PRSS41: variants seen among roughly 807,000 people sequenced by gnomAD.
The protein encoded by PRSS41 is serine protease 41.
In PRSS41, 37 loss-of-function variants were observed where a neutral mutation model predicts 28.8. The observed-to-expected ratio is 1.29, with a 90% CI of 0.99 to 1.69. PRSS41 has a LOEUF of 1.69. Among genes scored for constraint, PRSS41 ranks in the 40% most tolerant of loss-of-function variants. The pLI is 0.00. For missense variants in PRSS41, 431 were observed against 400.7 expected (o/e 1.08, Z -0.65); for synonymous variants, 195 against 163.1 (o/e 1.20, Z -1.49).
chr16:2,799,392 A>T (rs1395887832), exon 4 of PRSS41: 1 of 1,551,954 alleles, frequency 6.4e-7, no homozygotes, highest in East Asian at 2.4e-5. Context: ...GCAGGACATC[A>T]TTGTGAACCC....
intron 4 of PRSS41, 71 bp downstream of exon 4, chr16:2,799,640 G>A (rs753812130): frequency 1.0e-5 from 15 of 1,461,504 alleles, no homozygotes; most frequent in Admixed American, 2.0e-5. Context: ...CCCTGTTCCC[G>A]CTACACAAGC....
intron 4 of PRSS41, among the ~76,000 whole-genome samples, chr16:2,803,101 AGT>A (rs1253777765): frequency 2.0e-5 from 3 of 152,198 alleles, no homozygotes; most frequent in Non-Finnish European, 4.4e-5. Context: ...CGATTTTATC[AGT>A]CTCTGCTTTT....
chr16:2,799,956 A>G (rs544019334), intron 4 of PRSS41, among the ~76,000 whole-genome samples: 31 of 152,390 alleles, frequency 2.0e-4, no homozygotes, highest in African/African-American at 7.0e-4. Flanking sequence ...GAAGGACACA[A>G]TTCAGTGATT....
At chr16:2,801,915 G>A (rs1437089520) in intron 4 of PRSS41, among the ~76,000 whole-genome samples, 34 of 151,564 alleles carry the variant, frequency 2.2e-4, no homozygotes, top group South Asian at 8.3e-4. Context: ...CAGTAGGGGC[G>A]GCCGGGCAGA....
At chr16:2,801,592 A>G (rs891404037) in intron 4 of PRSS41, among the ~76,000 whole-genome samples, 2 of 151,104 alleles carry the variant, frequency 1.3e-5, no homozygotes, top group African/African-American at 4.9e-5. Flanking sequence ...CACATCTTGC[A>G]CCGCCCTTAA....
exon 4 of PRSS41, chr16:2,799,549 G>T: frequency 1.3e-6 from 2 of 1,551,602 alleles, no homozygotes; most frequent in Non-Finnish European, 1.7e-6. Flanking sequence ...ACCGGCTGGG[G>T]GTTAATCAGC....
At chr16:2,800,203 A>C (rs1216472185) in intron 4 of PRSS41, among the ~76,000 whole-genome samples, 4 of 152,220 alleles carry the variant, frequency 2.6e-5, no homozygotes, top group African/African-American at 9.6e-5. Flanking sequence ...GTACTTATGT[A>C]CTTAAACATA....
intron 4 of PRSS41, among the ~76,000 whole-genome samples, chr16:2,802,370 CG>C (rs1360893345): frequency 4.0e-5 from 6 of 150,668 alleles, no homozygotes; most frequent in African/African-American, 1.5e-4. Flanking sequence ...GGATGGCGGC[CG>C]GGCGGAGACG....
At chr16:2,799,509 A>G in exon 4 of PRSS41, 1 of 1,551,820 alleles carries the variant, frequency 6.4e-7, no homozygotes, top group Non-Finnish European at 8.7e-7. Context: ...TTCCACCTTC[A>G]ACTTCGTGCA....
chr16:2,799,138 G>T lies in PRSS41; in HGVS notation c.257+14G>T, dbSNP rs982371076. 2.0e-6 allele frequency: 3 copies of T among 1,509,754 alleles called. No homozygotes were observed. Among genetic ancestry groups the T allele is most frequent in the Non-Finnish European group, 2.6e-6 (3 of 1,132,148 alleles). The allele number at this position is 1,509,754 out of a possible 1,614,324, so 93.5% of individuals were successfully genotyped here. On this transcript the variant is annotated intron_variant, in intron 3 of 5. Transcript: ENST00000399677. ...CTGCTTCCAAAAGTGAGTCTGGGGG[G>T]CGGCCGGGGCCTCAGACTTGCTAAT...
chr16:2,798,617 C>T lies in PRSS41; in HGVS notation c.65-19C>T. ...GCCGGGAGGTGGAGGCCGCGAGGGT[C>T]ACTTCTTGTGTCCTGCAGAGTCGCA... On this transcript the variant is annotated intron_variant, in intron 1 of 5. Transcript: ENST00000399677. 6.6e-7 allele frequency: 1 copy of T among 1,522,680 alleles called. No individual in the cohort carries two copies. The highest frequency in any genetic ancestry group is 2.2e-5 in the Admixed American group (1 of 45,662). 94.3% of individuals were successfully genotyped at this position (1,522,680 alleles called of 1,614,324 possible).
In PRSS41 at chr16:2,804,263, T is replaced by C. The variant is rs181431737; in HGVS notation, c.542-126T>C. ...CTGGGTGCTGGGGAGTCAAGAGCAA[T>C]GCTGGGTGTTGTGGGTGTGTCAGGG... On this transcript the variant is annotated intron_variant, in intron 4 of 5. Coordinates refer to ENST00000399677, the Ensembl canonical transcript of PRSS41. 1.6e-4 allele frequency: 148 copies of C among 946,008 alleles called. No homozygotes were observed. The African/African-American group carries it at 1.9e-3, about 12-fold the overall frequency. 58.6% of individuals were successfully genotyped at this position (946,008 alleles called of 1,614,324 possible).
exon 4 of PRSS41, chr16:2,799,560 C>T: frequency 6.4e-7 from 1 of 1,551,466 alleles, no homozygotes; most frequent in Non-Finnish European, 8.7e-7. Context: ...GTTAATCAGC[C>T]CCAGTGGCAG....
intron 2 of PRSS41, 51 bp from the exon 3 acceptor site, chr16:2,798,908 G>GGCCCCCCCCCCCCCCCCCCCC: frequency 7.1e-7 from 1 of 1,415,402 alleles, no homozygotes; most frequent in Non-Finnish European, 9.4e-7. Flanking sequence ...GGGCGGGCCT[G>GGCCCCCCCCCCCCCCCCCCCC]CCCACCCCAC....
At chr16:2,799,179 C>A in intron 3 of PRSS41, 55 bp downstream of exon 3, 1 of 1,505,320 alleles carries the variant, frequency 6.6e-7, no homozygotes, top group Admixed American at 2.1e-5. Flanking sequence ...CCAGGATGAG[C>A]AAACAGTAGC....
rs1005365705 is a variant in PRSS41, at chr16:2,798,703, G to A, written c.91+41G>A. 2.1e-6 allele frequency: 3 copies of A among 1,426,630 alleles called. No individual in the cohort carries two copies. In the Admixed American group the frequency reaches 8.7e-5, roughly 41 times the overall value. The allele number at this position is 1,426,630 out of a possible 1,614,324, so 88.4% of individuals were successfully genotyped here. A position where few individuals can be genotyped will look rare whatever the true frequency, so the allele number is the denominator to read the frequency against. The stretch of plus-strand genomic sequence containing the variant: ...CGCGCGATGCCAGCCAGGGCGGCTG[G>A]GCCGGGGTGCACGGGGGCCCATCTA... On this transcript the variant is annotated intron_variant, in intron 2 of 5. Transcript: ENST00000399677.
rs982371076 is a variant in PRSS41, at chr16:2,799,138, G to A, written c.257+14G>A. On this transcript the variant is annotated intron_variant, in intron 3 of 5. Transcript: ENST00000399677. The stretch of plus-strand genomic sequence containing the variant: ...CTGCTTCCAAAAGTGAGTCTGGGGG[G>A]CGGCCGGGGCCTCAGACTTGCTAAT... 1.1e-5 allele frequency: 16 copies of A among 1,509,636 alleles called. No homozygotes were observed. The highest frequency in any genetic ancestry group is 1.7e-4 in the Middle Eastern group (1 of 5,782). The allele number at this position is 1,509,636 out of a possible 1,614,324, so 93.5% of individuals were successfully genotyped here. A position where few individuals can be genotyped will look rare whatever the true frequency, so the allele number is the denominator to read the frequency against.
chr16:2,798,539 G>C (rs748833832), exon 1 of PRSS41: 1 of 1,531,888 alleles, frequency 6.5e-7, no homozygotes, highest in South Asian at 1.2e-5. Flanking sequence ...GGCTGGACTC[G>C]GGAAGCCGGG....
intron 4 of PRSS41, among the ~76,000 whole-genome samples, chr16:2,801,926 G>A (rs1420646145): frequency 1.3e-5 from 2 of 151,456 alleles, no homozygotes; most frequent in African/African-American, 4.9e-5. Context: ...GCCGGGCAGA[G>A]GCGCCCCTCA....
Sources: allele counts gnomAD v4.1 joint callset (sites outside exome capture counted in the v4.1 genomes callset), GRCh38; gene constraint gnomAD v4.1.1; transcripts MANE v1.5; gene names NCBI Gene and HGNC (gene_info 2026-07-23, HGNC 2026-07-21).